Variants in XKR9 observed in about 807,000 individuals in gnomAD.
The protein encoded by XKR9 is XK related 9, also known as XK-related protein 9.
A neutral mutation model predicts 32.0 loss-of-function variants in XKR9; 32 were observed. The observed-to-expected ratio is 1.00, with a 90% CI of 0.76 to 1.34. The LOEUF is 1.34. Among genes scored for constraint, XKR9 ranks in the 40% most tolerant of loss-of-function variants. XKR9 has a pLI of 0.00. For synonymous variants in XKR9, 168 were observed against 143.4 expected (o/e 1.17, Z -1.22); for missense variants, 546 against 429.7 (o/e 1.27, Z -2.39).
chr8:70,841,291 T>C, the XKR9 span, among the ~76,000 whole-genome samples: 1 of 152,168 alleles, frequency 6.6e-6, no homozygotes, highest in Non-Finnish European at 1.5e-5. Flanking sequence ...TGAGTACTTA[T>C]GTCAATAAAG....
chr8:70,939,368 T>A, the XKR9 span, among the ~76,000 whole-genome samples: 25 of 152,254 alleles, frequency 1.6e-4, no homozygotes, highest in African/African-American at 5.8e-4. Context: ...ATAGTTTGTT[T>A]TGTACATGAG....
the XKR9 span, among the ~76,000 whole-genome samples, chr8:71,032,369 T>A: frequency 6.6e-6 from 1 of 151,686 alleles, no homozygotes; most frequent in Non-Finnish European, 1.5e-5. Flanking sequence ...TGCTAGGAAT[T>A]CTTTAGCTAT....
intron 4 of XKR9, among the ~76,000 whole-genome samples, chr8:70,711,387 G>C (rs1238812889): frequency 1.3e-5 from 2 of 152,154 alleles, no homozygotes; most frequent in African/African-American, 4.8e-5. Flanking sequence ...ATGTCAATCA[G>C]TTGTGAATTG....
At chr8:70,983,811 A>G in the XKR9 span, among the ~76,000 whole-genome samples, 75 of 148,384 alleles carry the variant, frequency 5.1e-4, no homozygotes, top group Non-Finnish European at 9.3e-4. Flanking sequence ...ATAAATAAAT[A>G]AATAAAATAA....
the XKR9 span, among the ~76,000 whole-genome samples, chr8:71,059,017 G>C: frequency 6.6e-6 from 1 of 152,206 alleles, no homozygotes; most frequent in African/African-American, 2.4e-5. Flanking sequence ...GACACATCCT[G>C]TTTGTTCTCA....
At chr8:70,683,492 T>C (rs540991795) in intron 3 of XKR9, 349 of 444,178 alleles carry the variant, frequency 7.9e-4, no homozygotes, top group South Asian at 5.5e-3. Context: ...GAATTACTTT[T>C]CTTTTTTTTT....
intron 2 of XKR9, among the ~76,000 whole-genome samples, chr8:70,774,392 C>A (rs1807492937): frequency 6.6e-6 from 1 of 152,136 alleles, no homozygotes; most frequent in African/African-American, 2.4e-5. Context: ...ATCCACTCAC[C>A]TCAGCCTCTA....
intron 2 of XKR9, among the ~76,000 whole-genome samples, chr8:70,749,470 C>T (rs1468614048): frequency 1.3e-5 from 2 of 151,704 alleles, no homozygotes; most frequent in Non-Finnish European, 2.9e-5. Flanking sequence ...CTAGATGTTG[C>T]TGCCTGCAGC....
intron 3 of XKR9, among the ~76,000 whole-genome samples, chr8:70,696,238 T>C (rs2132145670): frequency 6.6e-6 from 1 of 152,340 alleles, no homozygotes; most frequent in East Asian, 1.9e-4. Flanking sequence ...TTTGGTGTTT[T>C]AGACATGAAG....
the XKR9 span, among the ~76,000 whole-genome samples, chr8:70,956,132 G>A: frequency 9.9e-5 from 15 of 152,246 alleles, no homozygotes; most frequent in Non-Finnish European, 1.3e-4. Context: ...CCTTGTTTGC[G>A]TTACAACTCT....
At chr8:70,750,695 A>C (rs980818287) in intron 2 of XKR9, among the ~76,000 whole-genome samples, 1 of 152,220 alleles carries the variant, frequency 6.6e-6, no homozygotes, top group Admixed American at 6.5e-5. Context: ...TAGCCTAGTC[A>C]TTAAAATAGA....
chr8:70,686,218 A>G (rs1185599991), intron 3 of XKR9, among the ~76,000 whole-genome samples: 5 of 144,198 alleles, frequency 3.5e-5, no homozygotes, highest in Non-Finnish European at 7.5e-5. Flanking sequence ...TACTCTCAAC[A>G]CTTTAAATAT....
At chr8:70,881,598 TA>T in the XKR9 span, among the ~76,000 whole-genome samples, 2 of 152,120 alleles carry the variant, frequency 1.3e-5, no homozygotes, top group Non-Finnish European at 2.9e-5. Context: ...TGGCAGTCAT[TA>T]AAAAGTCAGG....
the XKR9 span, among the ~76,000 whole-genome samples, chr8:70,940,547 T>C: frequency 4.5e-4 from 68 of 152,220 alleles, no homozygotes; most frequent in Non-Finnish European, 7.6e-4. Context: ...ACTGAGATAA[T>C]ATATGTAAAG....
chr8:70,785,945 T>A (rs1441873727), intron 2 of XKR9, among the ~76,000 whole-genome samples: 1 of 151,954 alleles, frequency 6.6e-6, no homozygotes, highest in Non-Finnish European at 1.5e-5. Flanking sequence ...CACCTCAGCC[T>A]CCAAAAGTGC....
At chr8:70,707,662 T>G (rs1218707561) in intron 4 of XKR9, among the ~76,000 whole-genome samples, 4 of 152,066 alleles carry the variant, frequency 2.6e-5, no homozygotes. Flanking sequence ...ATCTTATGCA[T>G]AAATCACTTG....
At chr8:70,883,331 T>G in the XKR9 span, among the ~76,000 whole-genome samples, 27 of 152,156 alleles carry the variant, frequency 1.8e-4, no homozygotes, top group Non-Finnish European at 3.7e-4. Flanking sequence ...GGCTGAGTAG[T>G]ATTCCTTGGT....
At chr8:70,706,467 G>T (rs1019222098) in intron 3 of XKR9, among the ~76,000 whole-genome samples, 1 of 152,048 alleles carries the variant, frequency 6.6e-6, no homozygotes, top group African/African-American at 2.4e-5. Flanking sequence ...AATTATCTGT[G>T]TTGTAGTTCA....
At chr8:70,855,699 A>G in the XKR9 span, among the ~76,000 whole-genome samples, 5 of 152,378 alleles carry the variant, frequency 3.3e-5, no homozygotes, top group African/African-American at 1.2e-4. Flanking sequence ...GTTGAAATGA[A>G]GGTAAAAATG....
Sources: allele counts gnomAD v4.1 joint callset (sites outside exome capture counted in the v4.1 genomes callset), GRCh38; gene constraint gnomAD v4.1.1; transcripts MANE v1.5; gene names NCBI Gene and HGNC (gene_info 2026-07-23, HGNC 2026-07-21).